PIBF1: variants seen among roughly 807,000 people sequenced by gnomAD.
PIBF1 encodes the protein progesterone-induced-blocking factor 1.
Under a neutral mutation model 112.5 loss-of-function variants are expected in PIBF1, and 90 were observed. The ratio of observed to expected loss-of-function variants is 0.80; its 90% CI spans 0.67 to 0.95. The LOEUF is 0.95. Among genes scored for constraint, PIBF1 ranks in the 40% least tolerant of loss-of-function variants. The pLI, the probability that PIBF1 is intolerant of heterozygous loss-of-function variation, is 0.00. For missense variants in PIBF1, 915 were observed against 852.3 expected (o/e 1.07, Z -0.92); for synonymous variants, 301 against 288.6 (o/e 1.04, Z -0.44).
At chr13:72,817,136 G>A (rs1031907711) in intron 5 of PIBF1, among the ~76,000 whole-genome samples, 9 of 152,094 alleles carry the variant, frequency 5.9e-5, no homozygotes, top group African/African-American at 2.2e-4. Context: ...GAACCTTAAG[G>A]TAAATGTCAT....
In PIBF1 at chr13:72,969,307, G is replaced by A. The variant is rs536488265; in HGVS notation, c.1964+3903G>A. ...TTAAGACTCCCTTAATAACAGCAAC[G>A]GTTTTCATAAAGGCCATGTCATTTA... On this transcript the variant is annotated intron_variant, in intron 15 of 17. Coordinates refer to ENST00000326291, the MANE Select transcript of PIBF1 (RefSeq NM_006346.4). Among the ~76,000 whole-genome samples, 40 of 150,030 alleles carry A rather than the reference G, an allele frequency of 2.7e-4. 1 individual carries two copies. The highest frequency in any genetic ancestry group is 4.2e-4 in the South Asian group (2 of 4,804).
At chr13:72,934,035 G>A (rs997926515) in intron 14 of PIBF1, among the ~76,000 whole-genome samples, 1 of 152,110 alleles carries the variant, frequency 6.6e-6, no homozygotes, top group African/African-American at 2.4e-5. Context: ...TTTGGAGAAA[G>A]AATCAGTAAC....
Position 72,887,993 on chromosome 13 carries a change from A to G in PIBF1, c.1323-5791A>G, listed in dbSNP as rs530214557. Among the ~76,000 whole-genome samples, 76 of 152,282 alleles carry G rather than the reference A, an allele frequency of 5.0e-4. 1 individual carries two copies. The highest frequency in any genetic ancestry group is 1.7e-3 in the African/African-American group (72 of 41,568). ...TTTCCGACCGTGTTGGTATTGCTCA[A>G]TTCAGTTATTTTACAGCACAGTTCT... On this transcript the variant is annotated intron_variant, in intron 10 of 17. Transcript: ENST00000326291.
intron 8 of PIBF1, among the ~76,000 whole-genome samples, chr13:72,834,262 G>A (rs576815699): frequency 1.3e-5 from 2 of 152,080 alleles, no homozygotes; most frequent in African/African-American, 4.8e-5. Context: ...TTCTTCTACT[G>A]GATGTGTAGA....
intron 9 of PIBF1, among the ~76,000 whole-genome samples, chr13:72,852,133 A>G (rs1169794668): frequency 1.3e-5 from 2 of 152,192 alleles, no homozygotes; most frequent in African/African-American, 4.8e-5. Context: ...GAGCTGTAAC[A>G]CAAAAAGAGC....
chr13:72,887,815 T>C (rs2039914625), intron 10 of PIBF1, among the ~76,000 whole-genome samples: 1 of 152,108 alleles, frequency 6.6e-6, no homozygotes, highest in South Asian at 2.1e-4. Flanking sequence ...TATAACTCAG[T>C]GTCCTTGTGT....
chr13:72,867,168 T>C (rs2038963131), intron 10 of PIBF1, among the ~76,000 whole-genome samples: 1 of 152,146 alleles, frequency 6.6e-6, no homozygotes, highest in Non-Finnish European at 1.5e-5. Context: ...CTTGTGATAG[T>C]AAATAAGTCT....
At chr13:72,836,775 GA>G (rs2037379217) in intron 9 of PIBF1, among the ~76,000 whole-genome samples, 1 of 152,000 alleles carries the variant, frequency 6.6e-6, no homozygotes, top group African/African-American at 2.4e-5. Context: ...TGACTTAGTA[GA>G]AAGTCATAAA....
rs986739621 is a variant in PIBF1, at chr13:73,016,156, C to G, written c.*237C>G. 5.3e-6 allele frequency: 1 copy of G among 187,094 alleles called. No homozygotes were observed. The highest frequency in any genetic ancestry group is 6.1e-5 in the Admixed American group (1 of 16,372). 11.6% of individuals were successfully genotyped at this position (187,094 alleles called of 1,614,324 possible). On this transcript the variant is annotated 3_prime_UTR_variant, in exon 18 of 18. Coordinates refer to ENST00000326291, the MANE Select transcript of PIBF1 (RefSeq NM_006346.4). ...ATATGCTATGCTTTAAATTTTGGAG[C>G]TTTCATAAATGTTCAATGCATTTTA... is the stretch of plus-strand genomic sequence containing the variant.
chr13:72,810,681 A>G (rs1048523681), intron 5 of PIBF1, among the ~76,000 whole-genome samples: 3 of 152,194 alleles, frequency 2.0e-5, no homozygotes, highest in African/African-American at 4.8e-5. Flanking sequence ...TGTAAGGTAC[A>G]TATTTATGAT....
intron 11 of PIBF1, among the ~76,000 whole-genome samples, chr13:72,905,346 G>A (rs146330168): frequency 0.012 from 1,817 of 152,104 alleles, 40 homozygotes; most frequent in South Asian, 0.013. Context: ...GATTACCGGC[G>A]TGAGCCACCA....
At chr13:72,964,488 C>T (rs549182787) in intron 14 of PIBF1, among the ~76,000 whole-genome samples, 1 of 152,014 alleles carries the variant, frequency 6.6e-6, no homozygotes, top group Non-Finnish European at 1.5e-5. Context: ...GTAAATTTTA[C>T]ATTATATTTT....
chr13:72,910,138 T>C (rs957047762), intron 12 of PIBF1, among the ~76,000 whole-genome samples: 14 of 152,202 alleles, frequency 9.2e-5, no homozygotes, highest in African/African-American at 3.4e-4. Context: ...GAAAAACTTA[T>C]TTCTTTCCTA....
chr13:72,916,772 C>T (rs1243491659), intron 12 of PIBF1, among the ~76,000 whole-genome samples: 1 of 152,012 alleles, frequency 6.6e-6, no homozygotes, highest in African/African-American at 2.4e-5. Context: ...TAGCATATTT[C>T]ATGCAAAAAG....
chr13:72,921,859 C>T (rs1439556242), intron 13 of PIBF1, among the ~76,000 whole-genome samples: 2 of 152,098 alleles, frequency 1.3e-5, no homozygotes, highest in East Asian at 1.9e-4. Context: ...AGAGGAAAAG[C>T]CAGGGTTCTG....
At chr13:72,784,632 G>C (rs1326788697) in intron 2 of PIBF1, among the ~76,000 whole-genome samples, 1 of 151,342 alleles carries the variant, frequency 6.6e-6, no homozygotes, top group Non-Finnish European at 1.5e-5. Flanking sequence ...GTGGTGCTGC[G>C]CCTGCAGGCC....
chr13:72,886,183 C>T (rs2039844430), intron 10 of PIBF1, among the ~76,000 whole-genome samples: 1 of 151,974 alleles, frequency 6.6e-6, no homozygotes, highest in Non-Finnish European at 1.5e-5. Flanking sequence ...AAAAGCATCC[C>T]CCTAAAAGTG....
intron 9 of PIBF1, among the ~76,000 whole-genome samples, chr13:72,849,782 G>A (rs562788159): frequency 6.6e-6 from 1 of 152,282 alleles, no homozygotes; most frequent in African/African-American, 2.4e-5. Context: ...GAGCCAAATT[G>A]TTTGGGTGCA....
chr13:72,789,318 G>C (rs2034771801), intron 2 of PIBF1, among the ~76,000 whole-genome samples: 1 of 152,022 alleles, frequency 6.6e-6, no homozygotes, highest in Non-Finnish European at 1.5e-5. Flanking sequence ...TTGAGCAGCT[G>C]AGACTACAGG....
Sources: gnomAD v4.1 joint callset for allele counts (sites outside exome capture counted in the v4.1 genomes callset) on GRCh38, gnomAD v4.1.1 for gene constraint, MANE v1.5 for transcripts, NCBI Gene and HGNC (gene_info 2026-07-23, HGNC 2026-07-21) for gene names.